Variants in SYNE2 observed in about 807,000 individuals in gnomAD.
The protein encoded by SYNE2 is spectrin repeat containing nuclear envelope protein 2.
In SYNE2, 431 loss-of-function variants were observed where a neutral mutation model predicts 856.3. The ratio of observed to expected loss-of-function variants is 0.50; its 90% CI spans 0.47 to 0.55. SYNE2 has a LOEUF of 0.55. Ranked by LOEUF, SYNE2 falls within the 20% of genes least tolerant of loss-of-function variation. SYNE2 has a pLI of 0.00. For synonymous variants in SYNE2, 2,923 were observed against 2,872.3 expected, an observed-to-expected ratio of 1.02 and a Z score of -0.56; for missense variants, 8,129 against 8,023.2, an observed-to-expected ratio of 1.01 and a Z score of -0.50.
At chr14:63,786,181 C>T (rs536254842) in intron 1 of SYNE2, among the ~76,000 whole-genome samples, 3 of 150,750 alleles carry the variant, frequency 2.0e-5, no homozygotes, top group South Asian at 2.1e-4. Context: ...ACCCAGGAGG[C>T]GGAGTTTGCA....
chr14:63,941,649 T>TCCAAAA, intron 3 of SYNE2, 46 bp from the exon 4 acceptor site: 3 of 1,536,584 alleles, frequency 2.0e-6, no homozygotes, highest in Non-Finnish European at 2.7e-6. Flanking sequence ...AGGTATTCTT[T>TCCAAAA]TTGGACCAAA....
At chr14:63,799,520 GTC>G (rs1888048963) in intron 1 of SYNE2, among the ~76,000 whole-genome samples, 1 of 150,620 alleles carries the variant, frequency 6.6e-6, no homozygotes, top group East Asian at 2.0e-4. Context: ...GTGAAACCCC[GTC>G]TCTACTAAAA....
chr14:63,936,389 G>A (rs1038320093), intron 2 of SYNE2, among the ~76,000 whole-genome samples: 2 of 152,094 alleles, frequency 1.3e-5, no homozygotes, highest in Non-Finnish European at 2.9e-5. Context: ...AAAGAGAATA[G>A]AGCAGGACAA....
chr14:64,209,475 C>G lies in SYNE2; in HGVS notation c.18437C>G (p.Ser6146Cys). Reference protein sequence around the residue: ...RLWQKFLDDYSRFEDWLKSAE... With the variant: ...RLWQKFLDDYCRFEDWLKSAE... ...TGGCAGAAGTTTTTAGACGACTATT[C>G]TCGCTTTGAGGACTGGCTCAAGTCA... Residue 6146 changes from serine to cysteine, a missense_variant, in exon 102 of 116, where the codon TCT (serine) becomes TGT (cysteine). By Grantham distance (112) the Ser-to-Cys change is moderately radical. Transcript: ENST00000555002. 6.2e-7 allele frequency: 1 copy of G among 1,614,228 alleles called. No individual in the cohort carries two copies.
At chr14:64,162,740 A>G (rs1377553976) in intron 88 of SYNE2, 2 of 255,676 alleles carry the variant, frequency 7.8e-6, no homozygotes, top group Non-Finnish European at 1.5e-5. Context: ...TGTTTTTTCT[A>G]TTATTGTTAA....
At chr14:64,213,697 G>A (rs1201452110) in intron 105 of SYNE2, among the ~76,000 whole-genome samples, 1 of 152,070 alleles carries the variant, frequency 6.6e-6, no homozygotes, top group Non-Finnish European at 1.5e-5. Flanking sequence ...GCCACTTAGA[G>A]TCATTTTTCT....
chr14:63,941,730 A>C lies in SYNE2; in HGVS notation c.177A>C (p.Thr59=). 1 of 1,614,158 alleles carries C rather than the reference A, an allele frequency of 6.2e-7. No homozygotes were observed. Among genetic ancestry groups the C allele is most frequent in the Non-Finnish European group, 8.5e-7 (1 of 1,180,006 alleles). ...TSPSVISDLF[T]DIKKGHVLLD... ...CCTCAGTTATATCCGACCTATTCAC[A>C]GACATTAAAAAGGGGCATGTCCTCC... is the stretch of plus-strand genomic sequence containing the variant. The change falls in exon 4 of 116, where the codon ACA becomes ACC. Residue 59 remains threonine, a synonymous_variant. Transcript: ENST00000555002.
chr14:64,203,411 A>G (rs1344457197), intron 100 of SYNE2, among the ~76,000 whole-genome samples: 2 of 152,178 alleles, frequency 1.3e-5, no homozygotes, highest in Non-Finnish European at 2.9e-5. Flanking sequence ...ACATGCTTGG[A>G]CCAATAGTTT....
chr14:63,776,761 C>T, intron 1 of SYNE2, among the ~76,000 whole-genome samples: 1 of 151,924 alleles, frequency 6.6e-6, no homozygotes, highest in Non-Finnish European at 1.5e-5. Context: ...CACCACCACC[C>T]AGCTAATTTT....
chr14:63,781,635 G>C (rs1295405899), intron 1 of SYNE2, among the ~76,000 whole-genome samples: 2 of 150,666 alleles, frequency 1.3e-5, no homozygotes, highest in Non-Finnish European at 3.0e-5. Flanking sequence ...CCCAGAGGTA[G>C]AGAGAGAGAT....
chr14:64,094,941 C>T (rs1041843216), intron 61 of SYNE2: 1 of 167,950 alleles, frequency 6.0e-6, no homozygotes, highest in African/African-American at 2.4e-5. Context: ...GTAGAAGTAA[C>T]ATTTTTTTAA....
chr14:64,076,907 A>G lies in SYNE2; in HGVS notation c.11022+807A>G, dbSNP rs146202973. On this transcript the variant is annotated intron_variant, in intron 54 of 115. Transcript: ENST00000555002. ...TAAAAAACATGTAAACTCTTAACGT[A>G]TATTTATAACAAATCTTTTTTAGTT... 5.5e-3 allele frequency among the ~76,000 whole-genome samples: 832 copies of G among 152,280 alleles called. 8 individuals carry two copies. The highest frequency in any genetic ancestry group is 0.019 in the African/African-American group (794 of 41,566).
rs71444641 is a variant in SYNE2, at chr14:64,049,429, A to AAAT, written c.7378-154_7378-152dup. On this transcript the variant is annotated intron_variant, in intron 46 of 115. Transcript: ENST00000555002. ...ACCCTGCACTCCAGCCTGGGTGACA[A>AAAT]AATAATAATAATAATAATAATAATA... The AAAT allele has an allele frequency of 0.083, 13,845 of 166,370 alleles. 613 individuals are homozygous for AAAT. Among genetic ancestry groups the AAAT allele is most frequent in the African/African-American group, 0.16 (6,060 of 38,644 alleles). The allele number at this position is 166,370 out of a possible 1,614,324, so 10.3% of individuals were successfully genotyped here.
intron 1 of SYNE2, 36 bp from the exon 2 acceptor site, chr14:63,909,062 A>G (rs1477016678): frequency 9.0e-6 from 9 of 999,690 alleles, no homozygotes; most frequent in South Asian, 2.5e-5. Flanking sequence ...CAGAGCTGCA[A>G]AGTTACTAAT....
chr14:64,150,190 G>A (rs1413059264), intron 84 of SYNE2, among the ~76,000 whole-genome samples: 1 of 147,144 alleles, frequency 6.8e-6, no homozygotes, highest in African/African-American at 2.5e-5. Context: ...CAGCTACTTG[G>A]GAGACTGAGG....
Position 64,221,653 on chromosome 14 carries a change from C to G in SYNE2, c.20139C>G (p.Thr6713=), listed in dbSNP as rs765716455. ...ACCGGAGGCAGAAGGCTCATGTCACCGATCCAAAGGCAGACCCCCGGGCTC... is the reference window on the plus strand; with the variant it reads ...ACCGGAGGCAGAAGGCTCATGTCACGGATCCAAAGGCAGACCCCCGGGCTC... ...AKNRRQKAHV[T]DPKADPRALL... Residue 6713 remains threonine (T), a synonymous_variant, in exon 112 of 116, where the codon ACC becomes ACG. Transcript: ENST00000555002. 6.2e-7 allele frequency: 1 copy of G among 1,614,042 alleles called. No individual in the cohort carries two copies. Among genetic ancestry groups the G allele is most frequent in the Non-Finnish European group, 8.5e-7 (1 of 1,180,016 alleles).
chr14:63,770,462 C>T (rs1886858220), intron 1 of SYNE2, among the ~76,000 whole-genome samples: 1 of 152,092 alleles, frequency 6.6e-6, no homozygotes, highest in Non-Finnish European at 1.5e-5. Flanking sequence ...ATGAAAGCTT[C>T]ATTGAATAGT....
At chr14:63,968,247 A>G (rs2096423328) in intron 11 of SYNE2, among the ~76,000 whole-genome samples, 1 of 152,216 alleles carries the variant, frequency 6.6e-6, no homozygotes, top group African/African-American at 2.4e-5. Context: ...ATTATGTAAA[A>G]GACAGTGTAG....
chr14:64,157,380 T>G (rs2098294693), intron 85 of SYNE2, among the ~76,000 whole-genome samples: 2 of 152,338 alleles, frequency 1.3e-5, no homozygotes, highest in South Asian at 4.1e-4. Context: ...TCACTAAGCA[T>G]AATGTTTTCA....
Sources: allele counts gnomAD v4.1 joint callset (sites outside exome capture counted in the v4.1 genomes callset), GRCh38; gene constraint gnomAD v4.1.1; transcripts MANE v1.5; gene names NCBI Gene and HGNC (gene_info 2026-07-23, HGNC 2026-07-21).